The following CFAP65 variants were observed in gnomAD, a reference collection of about 807,000 sequenced individuals.
CFAP65 encodes cilia and flagella associated protein 65, also known as cilia- and flagella-associated protein 65.
In CFAP65, 155 loss-of-function variants were observed where a neutral mutation model predicts 208.0. That is an observed-to-expected ratio of 0.75 (90% CI 0.65 to 0.85). The LOEUF (loss-of-function observed/expected upper bound fraction) is 0.85. Ranked by LOEUF, CFAP65 falls within the 40% of genes least tolerant of loss-of-function variation. CFAP65 has a pLI of 0.00. For synonymous variants in CFAP65, 970 were observed against 986.3 expected (o/e 0.98, Z 0.31); for missense variants, 2,294 against 2,451.3 (o/e 0.94, Z 1.36).
chr2:219,010,893 C>G lies in CFAP65; in HGVS notation c.4061G>C (p.Cys1354Ser), dbSNP rs150534958. The change falls in exon 25 of 35, where the codon TGC becomes TCC. Residue 1354 changes from cysteine to serine, a missense_variant. Physicochemically the swap from Cys to Ser is moderately radical, Grantham distance 112. Around this residue, in one of 2 missense-constraint regions of CFAP65, gnomAD observed 1,427 missense variants for 1,438.7 expected, o/e 0.99. Transcript: ENST00000341552. Reference protein sequence around the residue: ...QEKNFDHPIFCCLNPKGEIQP... With the variant: ...QEKNFDHPIFSCLNPKGEIQP... ...GATCTCCCCTTTGGGGTTGAGGCAG[C>G]AAAAGATGGGGTGATCAAAATTTTT... is the stretch of plus-strand genomic sequence containing the variant. 45 of 1,613,740 alleles carry G rather than the reference C, an allele frequency of 2.8e-5. No homozygotes were observed. Among genetic ancestry groups the G allele is most frequent in the Non-Finnish European group, 3.6e-5 (43 of 1,180,014 alleles).
intron 22 of CFAP65, 100 bp from the exon 23 acceptor site, chr2:219,013,685 C>G: frequency 7.8e-7 from 1 of 1,273,930 alleles, no homozygotes; most frequent in Admixed American, 1.9e-5. Flanking sequence ...GCTGGCCAGC[C>G]CCTGGGAGCA....
Position 219,003,424 on chromosome 2 carries a change from T to C in CFAP65, c.5556-152A>G, listed in dbSNP as rs1409233150. 1.9e-6 allele frequency: 2 copies of C among 1,064,040 alleles called. No individual in the cohort carries two copies. Among genetic ancestry groups the C allele is most frequent in the Non-Finnish European group, 2.6e-6 (2 of 771,396 alleles). 65.9% of individuals were successfully genotyped at this position (1,064,040 alleles called of 1,614,324 possible). On this transcript the variant is annotated intron_variant, in intron 33 of 34. Coordinates refer to ENST00000341552, the MANE Select transcript of CFAP65 (RefSeq NM_194302.4). This position sits in a 1 kb window ranked among gnomAD's most constrained non-coding sequence, Gnocchi z 4.4. The stretch of plus-strand genomic sequence containing the variant: ...ACACTATGGGGCATTCTTGTTTCAA[T>C]GTTACGGACGTTCCAAGTGTGGCTA...
In CFAP65 at chr2:219,023,429, C is replaced by T; in HGVS notation, c.2598G>A (p.Glu866=). Residue 866 remains glutamate (E), a splice_region_variant and synonymous_variant, in exon 16 of 35, where the codon GAG becomes GAA. Coordinates refer to ENST00000341552, the MANE Select transcript of CFAP65 (RefSeq NM_194302.4). ...QCNASPQYLK[E]VSMYSREEPL... is the part of the protein sequence containing the mutation. ...GCTCCTCCCGGCTGTACATGCTCAC[C>T]TCCTGGAGCCAGAGGAAGAAGGGCA... 6.4e-7 allele frequency: 1 copy of T among 1,565,082 alleles called. No individual in the cohort carries two copies.
In CFAP65 at chr2:219,014,422, C is replaced by G. The variant is rs1003224092; in HGVS notation, c.3603-378G>C. On this transcript the variant is annotated intron_variant, in intron 21 of 34. Coordinates refer to ENST00000341552, the MANE Select transcript of CFAP65 (RefSeq NM_194302.4). ...ACCTAGGAAGGCTGGCAGCACCAAC[C>G]AGCAGCCCCAGGGAGTGGGGTGTCC... 4.8e-5 allele frequency: 8 copies of G among 167,906 alleles called. No homozygotes were observed. In the East Asian group the frequency reaches 1.4e-3, roughly 29 times the overall value. The allele number at this position is 167,906 out of a possible 1,614,324, so 10.4% of individuals were successfully genotyped here.
In CFAP65 at chr2:219,004,394, G is replaced by A. The variant is rs1249797763; in HGVS notation, c.5113C>T (p.Pro1705Ser). 1.9e-6 allele frequency: 3 copies of A among 1,613,980 alleles called. No homozygotes were observed. The highest frequency in any genetic ancestry group is 2.5e-6 in the Non-Finnish European group (3 of 1,179,970). ...TCATTCCAGAATTGGCGGAAGTACGGCACCTGCTCCACCAGGCTTTGGTCC... is the reference window on the plus strand; with the variant it reads ...TCATTCCAGAATTGGCGGAAGTACGACACCTGCTCCACCAGGCTTTGGTCC... ...AVDQSLVEQV[P>S]YFRQFWNEQS... The change falls in exon 33 of 35, where the codon CCG becomes TCG. Residue 1705 changes from proline (P) to serine (S), a missense_variant. Pro to Ser is a moderately conservative substitution (Grantham distance 74). Coordinates refer to ENST00000341552, the MANE Select transcript of CFAP65 (RefSeq NM_194302.4). This position sits in a 1 kb window ranked among gnomAD's most constrained non-coding sequence, Gnocchi z 4.7.
rs1195454331 is a variant in CFAP65 at position 219,032,474 on chromosome 2, T to G, written c.641A>C (p.Glu214Ala). 3.1e-6 allele frequency: 5 copies of G among 1,589,194 alleles called. No homozygotes were observed. The highest frequency in any genetic ancestry group is 4.3e-6 in the Non-Finnish European group (5 of 1,167,798). ...LTLPIVFRPL[E>A]AKEYMDQLWF... is the part of the protein sequence containing the mutation. ...ACTCGCTGTGGCAGACCTTACCGCC[T>G]CCAGAGGCCGGAAGACGATGGGGAG... Residue 214 changes from glutamate to alanine, a missense_variant, in exon 6 of 35, where the codon GAG (glutamate) becomes GCG (alanine). Transcript: ENST00000341552. The surrounding 1 kb of genome is among the most constrained non-coding windows in gnomAD (Gnocchi z 5.5).
Position 219,019,522 on chromosome 2 carries a change from C to T in CFAP65, c.3457G>A (p.Val1153Met). ...TCAGCTCACCTGTGCCGGGTGGGCA[C>T]CTTGTAGGTGAGCTCACAGGGGGTG... is the stretch of plus-strand genomic sequence containing the variant. Reference protein sequence around the residue: ...DPTPCELTYKVPTRHSMSQIP... With the variant: ...DPTPCELTYKMPTRHSMSQIP... The change falls in exon 20 of 35, where the codon GTG becomes ATG. Residue 1153 changes from valine (V) to methionine (M), a missense_variant. Transcript: ENST00000341552. 1 of 1,612,554 alleles carries T rather than the reference C, an allele frequency of 6.2e-7. No individual in the cohort carries two copies. The highest frequency in any genetic ancestry group is 8.5e-7 in the Non-Finnish European group (1 of 1,179,902).
chr2:219,013,423 C>T, intron 23 of CFAP65, 54 bp from the exon 24 acceptor site: 1 of 1,534,472 alleles, frequency 6.5e-7, no homozygotes, highest in Non-Finnish European at 8.9e-7. Context: ...AGATCTGGAC[C>T]CCAGTTCCCC....
intron 2 of CFAP65, among the ~76,000 whole-genome samples, chr2:219,039,404 C>T (rs1186873821): frequency 6.6e-6 from 1 of 152,204 alleles, no homozygotes; most frequent in African/African-American, 2.4e-5. Context: ...AATTTTCACA[C>T]TCACACACCA....
chr2:219,017,176 C>T (rs1273066802), intron 21 of CFAP65, among the ~76,000 whole-genome samples: 1 of 152,212 alleles, frequency 6.6e-6, no homozygotes, highest in Non-Finnish European at 1.5e-5. Flanking sequence ...AGGAAGCACC[C>T]AGTAAAGGTG....
rs756444357 is a variant in CFAP65 at position 219,009,170 on chromosome 2, G to C, written c.4567-16C>G. 3.0e-5 allele frequency: 48 copies of C among 1,587,534 alleles called. No individual in the cohort carries two copies. Among genetic ancestry groups the C allele is most frequent in the Middle Eastern group, 1.7e-4 (1 of 6,012 alleles). ...GCGAGTACAGCTATGGCCCAGGACA[G>C]AGAGAGAGAAGGCCAAGGTCTGGAG... On this transcript the variant is annotated splice_polypyrimidine_tract_variant and intron_variant, in intron 28 of 34. Transcript: ENST00000341552.
chr2:219,015,742 A>G (rs1946835404), intron 21 of CFAP65: 1 of 152,224 alleles, frequency 6.6e-6, no homozygotes, highest in Non-Finnish European at 1.5e-5. Context: ...GTGGATGTCT[A>G]TCACCACTTT....
At chr2:219,041,434 A>G (rs1574673458) in intron 1 of CFAP65, 54 bp downstream of exon 1, 1 of 1,544,754 alleles carries the variant, frequency 6.5e-7, no homozygotes, top group Non-Finnish European at 8.8e-7. Flanking sequence ...TTCCCTGGCC[A>G]CTCGCGCCGC....
chr2:219,026,150 T>A lies in CFAP65; in HGVS notation c.2221A>T (p.Ser741Cys), dbSNP rs756991143. 1.2e-6 allele frequency: 2 copies of A among 1,611,440 alleles called. No homozygotes were observed. Among genetic ancestry groups the A allele is most frequent in the South Asian group, 2.2e-5 (2 of 91,014 alleles). ...EAFAIYKVLQ[S>C]YSNIEEDCTM... ...CAGTCCTCCTCAATATTACTGTAGC[T>A]CTGCAGGACCTGCAGAGGGGCCAGA... Residue 741 changes from serine to cysteine, a missense_variant, in exon 14 of 35, where the codon AGC becomes TGC. Around this residue, in one of 2 missense-constraint regions of CFAP65, gnomAD observed 867 missense variants for 1,012.6 expected, o/e 0.86. Transcript: ENST00000341552.
At chr2:219,035,702 T>C (rs1419117857) in intron 4 of CFAP65, 38 bp from the exon 5 acceptor site, 7 of 1,576,258 alleles carry the variant, frequency 4.4e-6, no homozygotes, top group African/African-American at 2.7e-5. Flanking sequence ...GCAGAAAGGA[T>C]GTATCAGCAG....
At position 219,010,930 on chromosome 2, in the gene CFAP65, G is replaced by C. The variant is rs1268107888; in HGVS notation, c.4024C>G (p.Gln1342Glu). The stretch of plus-strand genomic sequence containing the variant: ...TGATCAAAATTTTTTTCCTGAACCT[G>C]TGACAGGACATCGGTCTGGACCTCA... Reference protein sequence around the residue: ...TYEVQTDVLSQVQEKNFDHPI... With the variant: ...TYEVQTDVLSEVQEKNFDHPI... The change falls in exon 25 of 35, where the codon CAG (glutamine) becomes GAG (glutamate). Residue 1342 changes from glutamine (Q) to glutamate (E), a missense_variant. By Grantham distance (29) the Gln-to-Glu change is conservative. This residue lies in a region of CFAP65 where 1,427 missense variants were observed against 1,438.7 expected (regional missense o/e 0.99). Coordinates refer to ENST00000341552, the MANE Select transcript of CFAP65 (RefSeq NM_194302.4). 1 of 1,613,912 alleles carries C rather than the reference G, an allele frequency of 6.2e-7. No homozygotes were observed. Among genetic ancestry groups the C allele is most frequent in the Admixed American group, 1.7e-5 (1 of 60,030 alleles).
chr2:219,006,678 A>G (rs1259576360), intron 29 of CFAP65, among the ~76,000 whole-genome samples, 169 bp from the exon 30 acceptor site: 2 of 152,138 alleles, frequency 1.3e-5, no homozygotes, highest in Non-Finnish European at 2.9e-5. Context: ...TACTAAAAAT[A>G]CAAAAATTAG....
At chr2:219,027,563 G>T in intron 13 of CFAP65, 87 bp downstream of exon 13, 1 of 1,613,040 alleles carries the variant, frequency 6.2e-7, no homozygotes, top group South Asian at 1.1e-5. Context: ...GCCTGAAGCT[G>T]CCCTCGGTCA....
At chr2:219,006,402 G>T in intron 30 of CFAP65, 63 bp downstream of exon 30, 1 of 1,593,242 alleles carries the variant, frequency 6.3e-7, no homozygotes, top group Non-Finnish European at 8.6e-7. Context: ...AGGTCTCTCT[G>T]GGAGCAAGCA....
Sources: allele counts gnomAD v4.1 joint callset (sites outside exome capture counted in the v4.1 genomes callset), GRCh38; gene constraint gnomAD v4.1.1; regional missense constraint gnomAD v4.1.1; non-coding constraint Gnocchi (gnomAD v3.1); transcripts MANE v1.5; gene names NCBI Gene and HGNC (gene_info 2026-07-23, HGNC 2026-07-21).